Variants in SV2C observed in about 807,000 individuals in gnomAD.
SV2C encodes synaptic vesicle glycoprotein 2C.
Under a neutral mutation model 79.7 loss-of-function variants are expected in SV2C, and 49 were observed. The observed-to-expected ratio is 0.61, with a 90% CI of 0.49 to 0.78. The LOEUF is 0.78. Among genes scored for constraint, SV2C ranks in the 30% least tolerant of loss-of-function variants. The pLI is 0.00. For missense variants in SV2C, 833 were observed against 912.9 expected, an observed-to-expected ratio of 0.91 and a Z score of 1.13; for synonymous variants, 334 against 333.2, an observed-to-expected ratio of 1.00 and a Z score of -0.03.
At chr5:75,897,116 T>C in the SV2C span, among the ~76,000 whole-genome samples, 7 of 149,620 alleles carry the variant, frequency 4.7e-5, no homozygotes, top group Non-Finnish European at 8.9e-5. Flanking sequence ...CCATTGCTTT[T>C]GGTGTTTTAG....
the SV2C span, among the ~76,000 whole-genome samples, chr5:75,961,154 T>C: frequency 6.6e-6 from 1 of 152,026 alleles, no homozygotes; most frequent in Non-Finnish European, 1.5e-5. Flanking sequence ...AAAAACAAAA[T>C]GATAAATACA....
At chr5:76,012,917 A>G in the SV2C span, among the ~76,000 whole-genome samples, 1 of 152,000 alleles carries the variant, frequency 6.6e-6, no homozygotes, top group Non-Finnish European at 1.5e-5. Context: ...ATGGTTGTAG[A>G]TGTGTGGTGT....
At chr5:76,093,201 G>T (rs1418330484) in intron 1 of SV2C, among the ~76,000 whole-genome samples, 1 of 152,098 alleles carries the variant, frequency 6.6e-6, no homozygotes, top group African/African-American at 2.4e-5. Context: ...GAGGTCCCTT[G>T]CATGCTCCTT....
At position 76,195,049 on chromosome 5, in the gene SV2C, T is replaced by A; in HGVS notation, c.711T>A (p.Phe237Leu). 1 of 1,614,152 alleles carries A rather than the reference T, an allele frequency of 6.2e-7. No individual in the cohort carries two copies. ...VNGFFAFLSS[F>L]VQGYGFFLFC... The stretch of plus-strand genomic sequence containing the variant: ...GATTCTTTGCCTTCCTTTCTTCATT[T>A]GTCCAAGGTTATGGCTTCTTTCTCT... The change falls in exon 3 of 13, where the codon TTT becomes TTA. Residue 237 changes from phenylalanine (F) to leucine (L), a missense_variant. Transcript: ENST00000502798.
chr5:76,292,406 C>G (rs1280216439), intron 8 of SV2C, among the ~76,000 whole-genome samples: 1 of 152,210 alleles, frequency 6.6e-6, no homozygotes, highest in Non-Finnish European at 1.5e-5. Context: ...ATATGCAAAA[C>G]ACTCCTTTAT....
intron 1 of SV2C, among the ~76,000 whole-genome samples, chr5:76,130,008 T>C (rs1748826144): frequency 6.6e-6 from 1 of 151,972 alleles, no homozygotes; most frequent in South Asian, 2.1e-4. Flanking sequence ...TTGTCCTCTC[T>C]GCCCCTTTTC....
At chr5:75,950,991 C>T in the SV2C span, among the ~76,000 whole-genome samples, 39 of 151,880 alleles carry the variant, frequency 2.6e-4, no homozygotes, top group East Asian at 3.9e-4. Context: ...AACTAGATTC[C>T]GCTATGCTGA....
the SV2C span, among the ~76,000 whole-genome samples, chr5:76,006,969 T>G: frequency 2.6e-5 from 4 of 152,158 alleles, no homozygotes; most frequent in Admixed American, 2.0e-4. Context: ...ACATGCTATG[T>G]GTATTTATAT....
chr5:76,073,691 T>C, the SV2C span, among the ~76,000 whole-genome samples: 1 of 151,366 alleles, frequency 6.6e-6, no homozygotes, highest in Non-Finnish European at 1.5e-5. Context: ...AAGTGGAAGG[T>C]AAGCTATGAG....
chr5:76,013,915 C>T, the SV2C span, among the ~76,000 whole-genome samples: 1 of 152,006 alleles, frequency 6.6e-6, no homozygotes, highest in Non-Finnish European at 1.5e-5. Flanking sequence ...TAGTTGTATT[C>T]CTGGAAAATT....
At chr5:76,252,062 T>A (rs1422744052) in intron 4 of SV2C, among the ~76,000 whole-genome samples, 1 of 152,224 alleles carries the variant, frequency 6.6e-6, no homozygotes, top group Non-Finnish European at 1.5e-5. Flanking sequence ...CCAGAGCTTT[T>A]TGATCTTCAA....
chr5:75,984,606 T>TAC, the SV2C span, among the ~76,000 whole-genome samples: 3 of 141,802 alleles, frequency 2.1e-5, no homozygotes, highest in Admixed American at 1.4e-4. Context: ...TACCTATCTA[T>TAC]CTATCTATCT....
intron 4 of SV2C, among the ~76,000 whole-genome samples, chr5:76,213,148 C>G (rs1037875621): frequency 6.6e-6 from 1 of 152,060 alleles, no homozygotes; most frequent in African/African-American, 2.4e-5. Context: ...CCATGCTTTA[C>G]TAAAGGCTTT....
chr5:76,164,974 T>A (rs975724676), intron 2 of SV2C, among the ~76,000 whole-genome samples: 1 of 152,060 alleles, frequency 6.6e-6, no homozygotes, highest in Non-Finnish European at 1.5e-5. Flanking sequence ...GTTGTTATAC[T>A]ATACTGTTTG....
At chr5:75,898,396 C>T in the SV2C span, among the ~76,000 whole-genome samples, 2 of 152,154 alleles carry the variant, frequency 1.3e-5, no homozygotes, top group East Asian at 3.8e-4. Context: ...ATTGAACCAG[C>T]CTTGCATCCC....
rs559293871 is a variant in SV2C at position 76,139,439 on chromosome 5, T to C, written c.580+7109T>C. On this transcript the variant is annotated intron_variant, in intron 2 of 12. Transcript: ENST00000502798. ...TAGAGCTTGCCCATCAGAAATATGC[T>C]GGCCAAAGATTGCCAGTTTTCTTGG... Among the ~76,000 whole-genome samples, 44 of 152,344 alleles carry C rather than the reference T, an allele frequency of 2.9e-4. 1 individual carries two copies. In the South Asian group the frequency reaches 5.0e-3, roughly 17 times the overall value.
At chr5:75,883,570 A>C in the SV2C span, among the ~76,000 whole-genome samples, 11 of 147,838 alleles carry the variant, frequency 7.4e-5, no homozygotes, top group South Asian at 1.9e-3. Flanking sequence ...CATCATTCTC[A>C]GTAAACTATC....
the SV2C span, among the ~76,000 whole-genome samples, chr5:75,994,149 G>A: frequency 2.4e-3 from 371 of 152,182 alleles, 5 homozygotes; most frequent in Admixed American, 0.014. Context: ...CCCAATAAAA[G>A]AGTTTGCAAT....
chr5:76,317,533 A>G (rs576272703), intron 12 of SV2C, among the ~76,000 whole-genome samples: 1 of 152,184 alleles, frequency 6.6e-6, no homozygotes, highest in South Asian at 2.1e-4. Flanking sequence ...AGGCCTTTTT[A>G]AAATGTGGCA....
Sources: gnomAD v4.1 joint callset for allele counts (sites outside exome capture counted in the v4.1 genomes callset) on GRCh38, gnomAD v4.1.1 for gene constraint, MANE v1.5 for transcripts, NCBI Gene and HGNC (gene_info 2026-07-23, HGNC 2026-07-21) for gene names.